Variants in FMN1 observed in about 807,000 individuals in gnomAD.
FMN1 encodes formin-1.
FMN1 carries 110 observed loss-of-function variants against 132.4 expected under a neutral mutation model. That is an observed-to-expected ratio of 0.83 (90% confidence interval 0.71 to 0.97). FMN1 has a LOEUF of 0.97. Ranked by LOEUF, FMN1 falls within the 50% of genes least tolerant of loss-of-function variation. The probability of loss-of-function intolerance (pLI) is 0.00; values close to 1 mark genes in which losing one functional copy is unlikely to be tolerated. For missense variants in FMN1, 1,792 were observed against 1,705.3 expected, an observed-to-expected ratio of 1.05 and a Z score of -0.90; for synonymous variants, 722 against 651.7, an observed-to-expected ratio of 1.11 and a Z score of -1.64.
chr15:33,113,215 TTC>T (rs1178243644), intron 4 of FMN1, among the ~76,000 whole-genome samples: 2 of 150,952 alleles, frequency 1.3e-5, no homozygotes, highest in African/African-American at 2.4e-5. Flanking sequence ...GTTGCTCACT[TTC>T]TGACATATTC....
intron 4 of FMN1, among the ~76,000 whole-genome samples, chr15:33,149,564 T>G (rs1964362979): frequency 6.6e-6 from 1 of 152,200 alleles, no homozygotes; most frequent in Non-Finnish European, 1.5e-5. Context: ...CAGGTCATAG[T>G]TACACAGAGT....
intron 2 of FMN1, among the ~76,000 whole-genome samples, chr15:33,180,553 T>C (rs1182611372): frequency 1.3e-5 from 2 of 152,072 alleles, no homozygotes; most frequent in Non-Finnish European, 2.9e-5. Flanking sequence ...ATTCAGACAT[T>C]TCAGTGCTGA....
intron 5 of FMN1, chr15:33,067,841 T>A (rs1168547794): frequency 6.2e-7 from 1 of 1,613,782 alleles, no homozygotes; most frequent in African/African-American, 1.3e-5. Context: ...TTTTGCTGGT[T>A]CTGACACATC....
intron 3 of FMN1, among the ~76,000 whole-genome samples, chr15:33,162,624 G>A (rs1015600753): frequency 3.9e-5 from 6 of 152,158 alleles, no homozygotes; most frequent in Admixed American, 6.5e-5. Context: ...GGATATTAAC[G>A]CTATCTTCAT....
chr15:33,099,939 C>T (rs184942545), intron 4 of FMN1, among the ~76,000 whole-genome samples: 2 of 152,228 alleles, frequency 1.3e-5, no homozygotes, highest in African/African-American at 2.4e-5. Flanking sequence ...GTGAGACTGG[C>T]CCTTTTTACT....
At chr15:32,816,721 G>C (rs1003434864) in intron 17 of FMN1, among the ~76,000 whole-genome samples, 5 of 148,710 alleles carry the variant, frequency 3.4e-5, no homozygotes, top group African/African-American at 4.9e-5. Context: ...TATTACTACA[G>C]TGGAACAATA....
intron 19 of FMN1, among the ~76,000 whole-genome samples, chr15:32,779,103 G>A (rs1416619526): frequency 6.6e-6 from 1 of 152,098 alleles, no homozygotes; most frequent in Non-Finnish European, 1.5e-5. Flanking sequence ...TTCAGAACAG[G>A]CAAATCCATA....
chr15:33,045,998 T>A (rs955447431), intron 6 of FMN1, among the ~76,000 whole-genome samples: 7 of 152,210 alleles, frequency 4.6e-5, no homozygotes, highest in Non-Finnish European at 1.0e-4. Flanking sequence ...CATTTAATTA[T>A]GAAATAATAA....
chr15:32,947,875 C>T lies in FMN1; in HGVS notation c.3138+16232G>A, dbSNP rs190038914. Reference sequence around the variant, plus strand: ...CTCTCATTTTTTAAATTTGTCAATACAGATTTTCTATGCTGAAAAATCACA... The same window carrying T: ...CTCTCATTTTTTAAATTTGTCAATATAGATTTTCTATGCTGAAAAATCACA... On this transcript the variant is annotated intron_variant, in intron 9 of 20. Coordinates refer to ENST00000616417, the MANE Select transcript of FMN1 (RefSeq NM_001277313.2). 5.3e-4 allele frequency among the ~76,000 whole-genome samples: 81 copies of T among 152,148 alleles called. 1 individual carries two copies. In the East Asian group the frequency reaches 0.014, roughly 26 times the overall value.
intron 6 of FMN1, among the ~76,000 whole-genome samples, chr15:33,060,184 C>G (rs1406549050): frequency 1.3e-5 from 2 of 152,148 alleles, no homozygotes; most frequent in Non-Finnish European, 2.9e-5. Context: ...GTACAATGCA[C>G]AAACCCATTC....
intron 6 of FMN1, among the ~76,000 whole-genome samples, chr15:33,042,546 C>T (rs187955524): frequency 1.3e-5 from 2 of 152,192 alleles, no homozygotes; most frequent in East Asian, 1.9e-4. Flanking sequence ...TAGAGAAATA[C>T]ATCAGCCAAA....
chr15:33,108,373 C>G (rs1215835240), intron 4 of FMN1, among the ~76,000 whole-genome samples: 1 of 152,024 alleles, frequency 6.6e-6, no homozygotes, highest in Non-Finnish European at 1.5e-5. Flanking sequence ...CTACATGTCT[C>G]TTACTCCCAT....
chr15:33,109,660 A>G (rs1358796032), intron 4 of FMN1, among the ~76,000 whole-genome samples: 1 of 152,034 alleles, frequency 6.6e-6, no homozygotes, highest in Non-Finnish European at 1.5e-5. Context: ...GAACACAAAG[A>G]AGGAAACAAA....
At chr15:32,927,879 T>C (rs1481439467) in intron 9 of FMN1, among the ~76,000 whole-genome samples, 1 of 152,244 alleles carries the variant, frequency 6.6e-6, no homozygotes, top group Non-Finnish European at 1.5e-5. Context: ...TGTGCTTTCC[T>C]TCCCACCTAG....
intron 17 of FMN1, among the ~76,000 whole-genome samples, chr15:32,830,287 T>G (rs1054395063): frequency 1.3e-5 from 2 of 152,242 alleles, no homozygotes; most frequent in Non-Finnish European, 2.9e-5. Flanking sequence ...GACAGATTTT[T>G]AAAAATAATC....
rs150188242 is a variant in FMN1, at chr15:32,840,931, A to C, written c.3928+16084T>G. ...ACCCTCCCCAGTCTTTGAAAGATAG[A>C]CACAGGAGTGTCACACAGTACAAGA... On this transcript the variant is annotated intron_variant, in intron 17 of 20. Coordinates refer to ENST00000616417, the MANE Select transcript of FMN1 (RefSeq NM_001277313.2). 1.9e-4 allele frequency among the ~76,000 whole-genome samples: 29 copies of C among 152,358 alleles called. No homozygotes were observed. The East Asian group carries it at 5.4e-3, about 28-fold the overall frequency.
chr15:33,128,304 G>A (rs1049681277), intron 4 of FMN1, among the ~76,000 whole-genome samples: 1 of 152,172 alleles, frequency 6.6e-6, no homozygotes, highest in African/African-American at 2.4e-5. Context: ...CATGGCTGCT[G>A]ACTAGGCCCG....
chr15:32,907,902 A>G (rs867702638), intron 12 of FMN1, among the ~76,000 whole-genome samples: 17 of 152,208 alleles, frequency 1.1e-4, no homozygotes, highest in Middle Eastern at 3.4e-3. Context: ...TCACTCAGTT[A>G]CACCCCGGAG....
intron 4 of FMN1, among the ~76,000 whole-genome samples, chr15:33,110,891 T>C (rs1362587033): frequency 1.3e-5 from 2 of 152,110 alleles, no homozygotes; most frequent in Non-Finnish European, 2.9e-5. Flanking sequence ...AGTATATTTT[T>C]ACTAACCTTA....
Sources: allele counts gnomAD v4.1 joint callset (sites outside exome capture counted in the v4.1 genomes callset), GRCh38; gene constraint gnomAD v4.1.1; transcripts MANE v1.5; gene names NCBI Gene and HGNC (gene_info 2026-07-23, HGNC 2026-07-21).